FARS2: variants seen among roughly 807,000 people sequenced by gnomAD.
FARS2 encodes the protein phenylalanine--tRNA ligase, mitochondrial.
In FARS2, 40 loss-of-function variants were observed where a neutral mutation model predicts 46.4. The observed-to-expected ratio is 0.86, with a 90% CI of 0.67 to 1.12. The LOEUF (loss-of-function observed/expected upper bound fraction) is 1.12. Ranked by LOEUF, FARS2 falls within the 50% of genes most tolerant of loss-of-function variation. The probability of loss-of-function intolerance (pLI) is 0.00; values close to 1 mark genes in which losing one functional copy is unlikely to be tolerated. For missense variants in FARS2, 513 were observed against 567.9 expected (o/e 0.90, Z 0.98); for synonymous variants, 234 against 214.9 (o/e 1.09, Z -0.78).
chr6:5,414,260 GAATTAT>G (rs1356951937), intron 3 of FARS2, among the ~76,000 whole-genome samples: 1 of 152,128 alleles, frequency 6.6e-6, no homozygotes, highest in African/African-American at 2.4e-5. Context: ...TTTGTTTATT[GAATTAT>G]AATGGGCTTC....
intron 4 of FARS2, among the ~76,000 whole-genome samples, chr6:5,526,218 G>A (rs1371894334): frequency 6.6e-6 from 1 of 152,198 alleles, no homozygotes; most frequent in East Asian, 1.9e-4. Context: ...TCCTTTGGGA[G>A]TGAGATGCAG....
At chr6:5,571,209 A>G (rs9688417) in intron 5 of FARS2, among the ~76,000 whole-genome samples, 38 of 152,306 alleles carry the variant, frequency 2.5e-4, no homozygotes, top group African/African-American at 9.1e-4. Context: ...TATTGTAATC[A>G]GAGGAGAGCC....
chr6:5,386,972 T>C (rs1321817375), intron 2 of FARS2, among the ~76,000 whole-genome samples: 2 of 152,064 alleles, frequency 1.3e-5, no homozygotes, highest in Non-Finnish European at 2.9e-5. Flanking sequence ...GGGTAAAGAC[T>C]GTAGAGGGCT....
intron 6 of FARS2, among the ~76,000 whole-genome samples, chr6:5,642,372 C>CT (rs1222905294): frequency 2.0e-5 from 3 of 152,136 alleles, no homozygotes; most frequent in Admixed American, 6.5e-5. Flanking sequence ...CCCAATAGGA[C>CT]TTTTTTGTTA....
chr6:5,440,219 T>C (rs181207852), intron 4 of FARS2, among the ~76,000 whole-genome samples: 1 of 152,338 alleles, frequency 6.6e-6, no homozygotes, highest in Admixed American at 6.5e-5. Flanking sequence ...TCTTTATGCA[T>C]ATTTATAATT....
rs1775856360 is a variant in FARS2, at chr6:5,623,101, C to G, written c.1217+9781C>G. 2.0e-5 allele frequency among the ~76,000 whole-genome samples: 3 copies of G among 152,172 alleles called. No individual in the cohort carries two copies. The South Asian group carries it at 6.2e-4, about 32-fold the overall frequency. ...GGAGCCTTAGTTTCCTCATCTACCA[C>G]CAGGAGTAATGTCATCCATAAATGG... On this transcript the variant is annotated intron_variant, in intron 6 of 6. Transcript: ENST00000274680.
chr6:5,300,008 CAGT>C (rs1369215243), intron 1 of FARS2, among the ~76,000 whole-genome samples: 1 of 152,048 alleles, frequency 6.6e-6, no homozygotes, highest in Non-Finnish European at 1.5e-5. Flanking sequence ...AGAGCTCTGT[CAGT>C]AGTTGGAGCA....
chr6:5,389,023 C>G (rs1389167180), intron 2 of FARS2, among the ~76,000 whole-genome samples: 1 of 152,116 alleles, frequency 6.6e-6, no homozygotes, highest in Non-Finnish European at 1.5e-5. Context: ...TTGCCCTCCC[C>G]TCACATCCAC....
intron 2 of FARS2, among the ~76,000 whole-genome samples, chr6:5,383,204 C>T (rs17140336): frequency 0.23 from 35,582 of 152,100 alleles, 5,285 homozygotes; most frequent in East Asian, 0.41. Flanking sequence ...TATGTTCTAT[C>T]GATGCCACAT....
chr6:5,646,019 G>C (rs1043038288), intron 6 of FARS2, among the ~76,000 whole-genome samples: 10 of 152,168 alleles, frequency 6.6e-5, no homozygotes, highest in African/African-American at 2.4e-4. Context: ...TAGGACTGAA[G>C]GGGCATTTTT....
chr6:5,277,506 A>G (rs1285486480), intron 1 of FARS2, among the ~76,000 whole-genome samples: 1 of 152,182 alleles, frequency 6.6e-6, no homozygotes, highest in Non-Finnish European at 1.5e-5. Flanking sequence ...GTTCAGCTGC[A>G]AAGAAAATGC....
intron 5 of FARS2, among the ~76,000 whole-genome samples, chr6:5,551,184 A>G (rs1360840977): frequency 6.6e-6 from 1 of 152,190 alleles, no homozygotes; most frequent in African/African-American, 2.4e-5. Context: ...TTCATTGTTT[A>G]CAAGTTTTGC....
intron 4 of FARS2, among the ~76,000 whole-genome samples, chr6:5,526,101 T>A (rs1474362310): frequency 6.6e-6 from 1 of 152,222 alleles, no homozygotes; most frequent in Non-Finnish European, 1.5e-5. Flanking sequence ...AGATTGGTGC[T>A]CCAGAGCCAC....
At chr6:5,509,245 A>G (rs1466648371) in intron 4 of FARS2, among the ~76,000 whole-genome samples, 2 of 152,232 alleles carry the variant, frequency 1.3e-5, no homozygotes, top group Admixed American at 1.3e-4. Context: ...CTGAGATACT[A>G]AACTTCCAGC....
intron 6 of FARS2, among the ~76,000 whole-genome samples, chr6:5,733,735 A>G (rs1760785634): frequency 6.6e-6 from 1 of 152,208 alleles, no homozygotes; most frequent in Non-Finnish European, 1.5e-5. Context: ...AAATCAGATC[A>G]GAGATCTCAT....
chr6:5,492,448 AT>A (rs1767179121), intron 4 of FARS2, among the ~76,000 whole-genome samples: 2 of 152,362 alleles, frequency 1.3e-5, no homozygotes, highest in Middle Eastern at 3.4e-3. Flanking sequence ...TTATGTAAAC[AT>A]TGATAAAATA....
rs773601336 is a variant in FARS2 at position 5,613,290 on chromosome 6, T to A, written c.1187T>A (p.Val396Asp). The A allele has an allele frequency of 6.2e-7, 1 of 1,613,490 alleles. No homozygotes were observed. Among genetic ancestry groups the A allele is most frequent in the East Asian group, 2.2e-5 (1 of 44,794 alleles). ...ATTGGAGGAGACCTGGTGGAAAAGGTTGATCTCATAGACAAGTTTGTACAT... is the reference window on the plus strand; with the variant it reads ...ATTGGAGGAGACCTGGTGGAAAAGGATGATCTCATAGACAAGTTTGTACAT... The part of the protein sequence containing the change: ...RTIGGDLVEK[V>D]DLIDKFVHPK... Residue 396 changes from valine (V) to aspartate (D), a missense_variant, in exon 6 of 7, where the codon GTT becomes GAT. By Grantham distance (152) the Val-to-Asp change is radical. Coordinates refer to ENST00000274680, the MANE Select transcript of FARS2 (RefSeq NM_006567.5).
chr6:5,438,235 A>AC (rs1304382253), intron 4 of FARS2, among the ~76,000 whole-genome samples: 5 of 12,392 alleles, frequency 4.0e-4, no homozygotes, highest in South Asian at 4.5e-3. Flanking sequence ...CAAGGCTTCT[A>AC]CCCACCCCCC....
At chr6:5,697,192 A>G (rs1758160321) in intron 6 of FARS2, among the ~76,000 whole-genome samples, 1 of 152,228 alleles carries the variant, frequency 6.6e-6, no homozygotes, top group Non-Finnish European at 1.5e-5. Flanking sequence ...ATTTAAATAC[A>G]GATAACAATT....
Sources: gnomAD v4.1 joint callset for allele counts (sites outside exome capture counted in the v4.1 genomes callset) on GRCh38, gnomAD v4.1.1 for gene constraint, MANE v1.5 for transcripts, NCBI Gene and HGNC (gene_info 2026-07-23, HGNC 2026-07-21) for gene names.